Variants in TMEM145 observed in about 807,000 individuals in gnomAD.
TMEM145 encodes transmembrane protein 145.
A neutral mutation model predicts 68.5 loss-of-function variants in TMEM145; 46 were observed. That is an observed-to-expected ratio of 0.67 (90% CI 0.53 to 0.86). The LOEUF (loss-of-function observed/expected upper bound fraction) is 0.86, where lower values mean the gene tolerates loss of function less well. Among genes scored for constraint, TMEM145 ranks in the 40% least tolerant of loss-of-function variants. The pLI is 0.00. For synonymous variants in TMEM145, 255 were observed against 280.2 expected (o/e 0.91, Z 0.90); for missense variants, 570 against 645.8 (o/e 0.88, Z 1.27).
At chr19:42,321,227 CTTT>C (rs780768912) in intron 13 of TMEM145, 265 of 371,714 alleles carry the variant, frequency 7.1e-4, no homozygotes, top group Middle Eastern at 2.0e-3. Flanking sequence ...AGCACCACAT[CTTT>C]TTTTTTTTTT....
intron 12 of TMEM145, 44 bp downstream of exon 12, chr19:42,317,925 G>T: frequency 1.2e-6 from 2 of 1,609,652 alleles, no homozygotes; most frequent in Non-Finnish European, 1.7e-6. Flanking sequence ...TCCCTCTCGG[G>T]GCTCCCCAGA....
At chr19:42,317,163 CCTCT>C (rs1172889263) in intron 11 of TMEM145, among the ~76,000 whole-genome samples, 200 bp downstream of exon 11, 2 of 152,228 alleles carry the variant, frequency 1.3e-5, no homozygotes, top group African/African-American at 2.4e-5. Context: ...CTTTCTCCTC[CCTCT>C]GTCTCTCACT....
At position 42,316,521 on chromosome 19, in the gene TMEM145, T is replaced by C. The variant is rs764777031; in HGVS notation, c.687T>C (p.Tyr229=). 1.9e-6 allele frequency: 3 copies of C among 1,614,174 alleles called. No homozygotes were observed. The Admixed American group carries it at 5.0e-5, about 27-fold the overall frequency. Residue 229 remains tyrosine, a synonymous_variant, in exon 9 of 15, where the codon TAT becomes TAC. Transcript: ENST00000301204. The part of the protein sequence containing the change: ...LLFFCIYWGQ[Y]ATDGIGNESV... Reference sequence around the variant, plus strand: ...TTTTCTGCATCTACTGGGGTCAATATGCCACCGATGGCATTGGCAACGAGA... The same window carrying C: ...TTTTCTGCATCTACTGGGGTCAATACGCCACCGATGGCATTGGCAACGAGA...
Position 42,315,372 on chromosome 19 carries a change from A to G in TMEM145, c.578A>G (p.Tyr193Cys). 6.2e-7 allele frequency: 1 copy of G among 1,614,096 alleles called. No individual in the cohort carries two copies. Among genetic ancestry groups the G allele is most frequent in the South Asian group, 1.1e-5 (1 of 91,088 alleles). ...AGCCTTTCCCTACCTTGCTTCCTAG[A>G]TTTGCTGAAAGGTCGTCAGTTGCTC... ...LIFFLSCYFG[Y>C]LLKGRQLLHT... Residue 193 changes from tyrosine (Y) to cysteine (C), a missense_variant and splice_region_variant, in exon 8 of 15, where the codon TAT becomes TGT. By Grantham distance (194) the Tyr-to-Cys change is radical. Transcript: ENST00000301204.
Position 42,323,661 on chromosome 19 carries a change from C to A in TMEM145, c.1273C>A (p.Pro425Thr). The change falls in exon 14 of 15, where the codon CCT (proline) becomes ACT (threonine). Residue 425 changes from proline to threonine, a missense_variant. Pro to Thr is a conservative substitution (Grantham distance 38). Transcript: ENST00000301204. ...GTCGCAGATCGCTTCAGCCGGAGTCCCTGGACCCGGAGGGAGCCAATCCGC... is the reference window on the plus strand; with the variant it reads ...GTCGCAGATCGCTTCAGCCGGAGTCACTGGACCCGGAGGGAGCCAATCCGC... ...RTSQIASAGV[P>T]GPGGSQSADK... is the part of the protein sequence containing the mutation. 1 of 1,614,210 alleles carries A rather than the reference C, an allele frequency of 6.2e-7. No homozygotes were observed. Among genetic ancestry groups the A allele is most frequent in the South Asian group, 1.1e-5 (1 of 91,092 alleles).
At position 42,317,716 on chromosome 19, in the gene TMEM145, A is replaced by T; in HGVS notation, c.908A>T (p.Asp303Val). ...CCTCTCCTGCGGGTCTAGTTCTTTG[A>T]CCCAGGCCAGGTACTGTACACGTAT... ...VLLIYEAEFFDPGQVLYTYES... is the reference protein window; with the variant it reads ...VLLIYEAEFFVPGQVLYTYES... The change falls in exon 12 of 15, where the codon GAC becomes GTC. Residue 303 changes from aspartate (D) to valine (V), a missense_variant. Physicochemically the swap from Asp to Val is radical, Grantham distance 152 (BLOSUM62 -3). Transcript: ENST00000301204. 1 of 1,614,010 alleles carries T rather than the reference A, an allele frequency of 6.2e-7. No individual in the cohort carries two copies. Among genetic ancestry groups the T allele is most frequent in the Non-Finnish European group, 8.5e-7 (1 of 1,179,988 alleles).
intron 13 of TMEM145, among the ~76,000 whole-genome samples, chr19:42,322,708 ATTTT>A (rs547326600): frequency 6.8e-6 from 1 of 146,202 alleles, no homozygotes; most frequent in African/African-American, 2.5e-5. Context: ...TTTATTTTAA[ATTTT>A]TTTTTTTTGA....
At position 42,316,892 on chromosome 19, in the gene TMEM145, T is replaced by C. The variant is rs972638300; in HGVS notation, c.829T>C (p.Ser277Pro). The change falls in exon 11 of 15, where the codon TCC (serine) becomes CCC (proline). Residue 277 changes from serine to proline, a missense_variant. Ser to Pro is a moderately conservative substitution (Grantham distance 74). Transcript: ENST00000301204. The stretch of plus-strand genomic sequence containing the variant: ...CAGGGGCCGCATCAGCCACGCGGGC[T>C]CCGTGAAGTTGTCTGTCTACATGAC... The part of the protein sequence containing the change: ...VTRGRISHAG[S>P]VKLSVYMTLY... 11 of 1,613,588 alleles carry C rather than the reference T, an allele frequency of 6.8e-6. No individual in the cohort carries two copies. The highest frequency in any genetic ancestry group is 8.5e-6 in the Non-Finnish European group (10 of 1,179,956).
chr19:42,317,178 G>C (rs1339125450), intron 11 of TMEM145, among the ~76,000 whole-genome samples: 3 of 152,126 alleles, frequency 2.0e-5, no homozygotes, highest in East Asian at 3.8e-4. Flanking sequence ...GTCTCTCACT[G>C]TCTGTCACAT....
In TMEM145 at chr19:42,313,398, G is replaced by T; in HGVS notation, c.22G>T (p.Ala8Ser). MEPLRAP[A>S]LRRLLPPLLL... ...CGGAATGGAGCCCCTGCGCGCGCCC[G>T]CGCTGCGCCGCCTGCTGCCGCCGCT... The change falls in exon 1 of 15, where the codon GCG becomes TCG. Residue 8 changes from alanine (A) to serine (S), a missense_variant. Transcript: ENST00000301204. The surrounding 1 kb of genome is among the most constrained non-coding windows in gnomAD (Gnocchi z 5.1). The T allele has an allele frequency of 7.5e-7, 1 of 1,337,446 alleles. No homozygotes were observed. Among genetic ancestry groups the T allele is most frequent in the Non-Finnish European group, 9.6e-7 (1 of 1,040,740 alleles). 82.8% of individuals were successfully genotyped at this position (1,337,446 alleles called of 1,614,324 possible). A position where few individuals can be genotyped will look rare whatever the true frequency, so the allele number is the denominator to read the frequency against.
At chr19:42,323,030 C>T (rs1039630499) in intron 13 of TMEM145, among the ~76,000 whole-genome samples, 2 of 152,182 alleles carry the variant, frequency 1.3e-5, no homozygotes, top group Non-Finnish European at 1.5e-5. Flanking sequence ...CTTATATGCG[C>T]CAGGCATGGT....
rs1407332007 is a variant in TMEM145 at position 42,315,173 on chromosome 19, C to T, written c.506-15C>T. On this transcript the variant is annotated splice_polypyrimidine_tract_variant and intron_variant, in intron 6 of 14. Coordinates refer to ENST00000301204, the MANE Select transcript of TMEM145 (RefSeq NM_173633.3). ...TCCACCTGAATGAACCTTACTCCTC[C>T]TACCAAATCGGCAGGGATCCTGGAG... The T allele has an allele frequency of 1.2e-6, 2 of 1,612,178 alleles. No homozygotes were observed. The highest frequency in any genetic ancestry group is 2.7e-5 in the African/African-American group (2 of 74,884).
Position 42,324,926 on chromosome 19 carries a change from A to T in TMEM145, c.*109A>T. ...TTGCGATGCTGGTCTCGACCCTGAA[A>T]CCCTCCCTCGGATCTGTGACCTCGG... On this transcript the variant is annotated 3_prime_UTR_variant, in exon 15 of 15. Coordinates refer to ENST00000301204, the MANE Select transcript of TMEM145 (RefSeq NM_173633.3). The T allele has an allele frequency of 7.7e-7, 1 of 1,292,654 alleles. No homozygotes were observed. 80.1% of individuals were successfully genotyped at this position (1,292,654 alleles called of 1,614,324 possible).
At chr19:42,320,785 A>C (rs1236777739) in intron 13 of TMEM145, among the ~76,000 whole-genome samples, 1 of 151,596 alleles carries the variant, frequency 6.6e-6, no homozygotes, top group Non-Finnish European at 1.5e-5. Flanking sequence ...CCACCACCAC[A>C]TGCAGCTAAT....
chr19:42,315,556 G>T (rs2038848341), intron 8 of TMEM145, 116 bp downstream of exon 8: 2 of 1,140,044 alleles, frequency 1.8e-6, no homozygotes, highest in East Asian at 5.1e-5. Context: ...GGGAGGAGGG[G>T]CTGGGGGCCT....
intron 10 of TMEM145, 55 bp from the exon 11 acceptor site, chr19:42,316,815 A>C: frequency 6.2e-7 from 1 of 1,609,788 alleles, no homozygotes; most frequent in Non-Finnish European, 8.5e-7. Flanking sequence ...GGCTGGGTGC[A>C]TCCTCCTCCC....
chr19:42,324,001 C>A (rs2038939902), intron 14 of TMEM145, among the ~76,000 whole-genome samples: 1 of 152,062 alleles, frequency 6.6e-6, no homozygotes, highest in Non-Finnish European at 1.5e-5. Flanking sequence ...TTGCGCACAC[C>A]CCCGCAGACT....
rs776004436 is a variant in TMEM145, at chr19:42,314,669, C to A, written c.330C>A (p.Leu110=). 1 of 1,614,206 alleles carries A rather than the reference C, an allele frequency of 6.2e-7. No individual in the cohort carries two copies. The highest frequency in any genetic ancestry group is 8.5e-7 in the Non-Finnish European group (1 of 1,180,030). Residue 110 remains leucine (L), a synonymous_variant, in exon 4 of 15, where the codon CTC becomes CTA. Transcript: ENST00000301204. ...CGGAGAACAACCAGGTCATCAACCT[C>A]ACCACCCAGTATGCCTGGTCCGGCT... ...IRPENNQVIN[L]TTQYAWSGCQ...
rs2038957472 is a variant in TMEM145 at position 42,324,908 on chromosome 19, G to GC, written c.*92dup. The GC allele has an allele frequency of 7.4e-7, 1 of 1,359,998 alleles. No homozygotes were observed. The highest frequency in any genetic ancestry group is 3.6e-5 in the Admixed American group (1 of 27,554). 84.2% of individuals were successfully genotyped at this position (1,359,998 alleles called of 1,614,324 possible). On this transcript the variant is annotated 3_prime_UTR_variant, in exon 15 of 15. Coordinates refer to ENST00000301204, the MANE Select transcript of TMEM145 (RefSeq NM_173633.3). ...GCGACCCCGGGATGGATATTGCGAT[G>GC]CTGGTCTCGACCCTGAAACCCTCCC...
Sources: gnomAD v4.1 joint callset for allele counts (sites outside exome capture counted in the v4.1 genomes callset) on GRCh38, gnomAD v4.1.1 for gene constraint, Gnocchi (gnomAD v3.1) non-coding constraint, MANE v1.5 for transcripts, NCBI Gene and HGNC (gene_info 2026-07-23, HGNC 2026-07-21) for gene names.